Variants in SARS1 observed in about 807,000 individuals in gnomAD.
SARS1 encodes serine--tRNA ligase, cytoplasmic.
Under a neutral mutation model 63.7 loss-of-function variants are expected in SARS1, and 25 were observed. The ratio of observed to expected loss-of-function variants is 0.39; its 90% CI spans 0.29 to 0.55. The LOEUF (loss-of-function observed/expected upper bound fraction) is 0.55, where lower values mean the gene tolerates loss of function less well. Ranked by LOEUF, SARS1 falls within the 20% of genes least tolerant of loss-of-function variation. The pLI, the probability that SARS1 is intolerant of heterozygous loss-of-function variation, is 0.62. For missense variants in SARS1, 417 were observed against 649.7 expected, an observed-to-expected ratio of 0.64 and a Z score of 3.89; for synonymous variants, 231 against 243.5, an observed-to-expected ratio of 0.95 and a Z score of 0.48.
chr1:109,223,093 C>A (rs1232781447), intron 1 of SARS1, among the ~76,000 whole-genome samples: 1 of 152,188 alleles, frequency 6.6e-6, no homozygotes, highest in Non-Finnish European at 1.5e-5. Flanking sequence ...TTTTGCTAAT[C>A]AGAGTTAGAC....
At chr1:109,234,892 G>T (rs549876719) in intron 6 of SARS1, among the ~76,000 whole-genome samples, 1 of 152,324 alleles carries the variant, frequency 6.6e-6, no homozygotes, top group Non-Finnish European at 1.5e-5. Context: ...CTTGAACCTG[G>T]GAGGTGGAGG....
At chr1:109,233,900 C>T (rs953015872) in intron 6 of SARS1, among the ~76,000 whole-genome samples, 2 of 110,276 alleles carry the variant, frequency 1.8e-5, no homozygotes, top group Non-Finnish European at 3.5e-5. Flanking sequence ...GACGGTATCT[C>T]ACTCTTTCAC....
chr1:109,221,993 TATATATATATATATATA>T lies in SARS1; in HGVS notation c.137-1984_137-1968del, dbSNP rs1282615350. ...GTGTATATATATATATATATATATA[TATATATATATATATATA>T]TTTTTTTTTTTTTTTTTTTTTTTTT... On this transcript the variant is annotated intron_variant, in intron 1 of 10. Coordinates refer to ENST00000234677, the MANE Select transcript of SARS1 (RefSeq NM_006513.4). Among the ~76,000 whole-genome samples the T allele has an allele frequency of 2.9e-3, 43 of 14,842 alleles. 11 individuals carry two copies. The highest frequency in any genetic ancestry group is 4.6e-3 in the Non-Finnish European group (33 of 7,186). 9.7% of individuals were successfully genotyped at this position (14,842 alleles called of 152,430 possible).
chr1:109,213,961 C>T lies in SARS1; in HGVS notation c.-32C>T, dbSNP rs1169134989. ...GCTGAGTGCTGCGGCGCGATCCTTGCTTCCCTGAGCGTTGGCCCGGGAGGA... is the reference window on the plus strand; with the variant it reads ...GCTGAGTGCTGCGGCGCGATCCTTGTTTCCCTGAGCGTTGGCCCGGGAGGA... On this transcript the variant is annotated 5_prime_UTR_variant, in exon 1 of 11. Coordinates refer to ENST00000234677, the MANE Select transcript of SARS1 (RefSeq NM_006513.4). The T allele has an allele frequency of 6.3e-7, 1 of 1,591,468 alleles. No individual in the cohort carries two copies. Among genetic ancestry groups the T allele is most frequent in the Admixed American group, 1.7e-5 (1 of 57,772 alleles).
In SARS1 at chr1:109,235,874, C is replaced by T. The variant is rs1655296752; in HGVS notation, c.970-103C>T. The T allele has an allele frequency of 8.4e-7, 1 of 1,188,756 alleles. No homozygotes were observed. Among genetic ancestry groups the T allele is most frequent in the Admixed American group, 2.4e-5 (1 of 41,816 alleles). The allele number at this position is 1,188,756 out of a possible 1,614,324, so 73.6% of individuals were successfully genotyped here. A position where few individuals can be genotyped will look rare whatever the true frequency, so the allele number is the denominator to read the frequency against. On this transcript the variant is annotated intron_variant, in intron 7 of 10. Coordinates refer to ENST00000234677, the MANE Select transcript of SARS1 (RefSeq NM_006513.4). This position sits in a 1 kb window ranked among gnomAD's most constrained non-coding sequence, Gnocchi z 4.7. ...GCTGGGGGCCCAGACTTGCCTGCCTCCCAGTGGTGTGGAAACAGGTCTTCA... is the reference window on the plus strand; with the variant it reads ...GCTGGGGGCCCAGACTTGCCTGCCTTCCAGTGGTGTGGAAACAGGTCTTCA...
chr1:109,216,459 A>T, intron 1 of SARS1: 3 of 985,310 alleles, frequency 3.0e-6, no homozygotes, highest in Non-Finnish European at 3.6e-6. Flanking sequence ...AATTCAGAGT[A>T]GCGTAATGAT....
intron 1 of SARS1, chr1:109,216,003 C>T (rs1654775926): frequency 2.0e-6 from 2 of 984,198 alleles, no homozygotes; most frequent in African/African-American, 3.5e-5. Flanking sequence ...CATGCCTGGC[C>T]AATAGTTTAT....
In SARS1 at chr1:109,225,045, C is replaced by T. The variant is rs554755337; in HGVS notation, c.207+997C>T. Among the ~76,000 whole-genome samples, 3 of 152,282 alleles carry T rather than the reference C, an allele frequency of 2.0e-5. No homozygotes were observed. In the South Asian group the frequency reaches 6.2e-4, roughly 32 times the overall value. ...ACTTGAGGCCAGGAGTCAAAAGTTG[C>T]AGTGAGCCAAGATTGCGCTACTGAG... On this transcript the variant is annotated intron_variant, in intron 2 of 10. Coordinates refer to ENST00000234677, the MANE Select transcript of SARS1 (RefSeq NM_006513.4).
At chr1:109,220,751 G>T (rs972361548) in intron 1 of SARS1, among the ~76,000 whole-genome samples, 3 of 151,790 alleles carry the variant, frequency 2.0e-5, no homozygotes, top group Non-Finnish European at 1.5e-5. Flanking sequence ...TTTGTCTATT[G>T]TGTTTCCAAA....
Position 109,237,905 on chromosome 1 carries a change from A to G in SARS1, c.*17A>G, listed in dbSNP as rs372667547. The G allele has an allele frequency of 6.2e-7, 1 of 1,612,994 alleles. No individual in the cohort carries two copies. Among genetic ancestry groups the G allele is most frequent in the Non-Finnish European group, 8.5e-7 (1 of 1,179,258 alleles). ...GATGCTTGAACATTCCTGCCTCCCTATTTGCCAGGCTTTCATTTCTGTCTG... is the reference window on the plus strand; with the variant it reads ...GATGCTTGAACATTCCTGCCTCCCTGTTTGCCAGGCTTTCATTTCTGTCTG... On this transcript the variant is annotated 3_prime_UTR_variant, in exon 11 of 11. Transcript: ENST00000234677. The surrounding 1 kb of genome is among the most constrained non-coding windows in gnomAD (Gnocchi z 4.1).
chr1:109,227,063 T>C (rs961786455), intron 2 of SARS1, among the ~76,000 whole-genome samples: 6 of 150,122 alleles, frequency 4.0e-5, no homozygotes, highest in Admixed American at 1.3e-4. Context: ...TGGTGTGATC[T>C]CAGCTCACTG....
In SARS1 at chr1:109,231,611, C is replaced by A; in HGVS notation, c.592-20C>A. 6.8e-7 allele frequency: 1 copy of A among 1,469,770 alleles called. No individual in the cohort carries two copies. Among genetic ancestry groups the A allele is most frequent in the Admixed American group, 2.5e-5 (1 of 40,492 alleles). The allele number at this position is 1,469,770 out of a possible 1,614,324, so 91.0% of individuals were successfully genotyped here. A position where few individuals can be genotyped will look rare whatever the true frequency, so the allele number is the denominator to read the frequency against. ...GGTGACAAGACCCAATCACATAGTA[C>A]TGTGTCTCTGCTCCTCTAGGGGGTC... On this transcript the variant is annotated intron_variant, in intron 5 of 10. Transcript: ENST00000234677.
chr1:109,232,137 A>G (rs1655224168), intron 6 of SARS1, among the ~76,000 whole-genome samples: 1 of 152,180 alleles, frequency 6.6e-6, no homozygotes. Flanking sequence ...AAAGGAAATT[A>G]CAGTGGTGGC....
Position 109,237,592 on chromosome 1 carries a change from A to T in SARS1, c.1388-139A>T. 8.7e-7 allele frequency: 1 copy of T among 1,144,744 alleles called. No homozygotes were observed. The highest frequency in any genetic ancestry group is 1.2e-6 in the Non-Finnish European group (1 of 804,250). 70.9% of individuals were successfully genotyped at this position (1,144,744 alleles called of 1,614,324 possible). A position where few individuals can be genotyped will look rare whatever the true frequency, so the allele number is the denominator to read the frequency against. ...TGCTAAAATTCAGACTAGGGAAGAA[A>T]AGAATAAAGGAAACCAGTGCCTATC... On this transcript the variant is annotated intron_variant, in intron 10 of 10. Transcript: ENST00000234677. This position sits in a 1 kb window ranked among gnomAD's most constrained non-coding sequence, Gnocchi z 4.1.
intron 1 of SARS1, among the ~76,000 whole-genome samples, chr1:109,221,960 T>TTTTTTG (rs771565091): frequency 1.4e-3 from 14 of 10,076 alleles, no homozygotes; most frequent in South Asian, 5.5e-3. Context: ...GCTAATTTTT[T>TTTTTTG]TGTGTGTGTG....
At chr1:109,226,681 T>TATATATATATATACAC (rs1323291405) in intron 2 of SARS1, among the ~76,000 whole-genome samples, 291 of 36,104 alleles carry the variant, frequency 8.1e-3, no homozygotes, top group Non-Finnish European at 0.016. Flanking sequence ...AAAAAAAATA[T>TATATATATATATACAC]ATATATATAT....
chr1:109,229,151 A>G (rs1276543442), intron 3 of SARS1, among the ~76,000 whole-genome samples: 2 of 152,232 alleles, frequency 1.3e-5, no homozygotes, highest in Non-Finnish European at 2.9e-5. Flanking sequence ...TCTGCAATGT[A>G]TGGGAACAAT....
chr1:109,236,631 G>A, intron 9 of SARS1, 83 bp downstream of exon 9: 1 of 1,534,824 alleles, frequency 6.5e-7, no homozygotes, highest in Non-Finnish European at 8.8e-7. Context: ...GGGGTGCACT[G>A]GTCCCCAGCA....
In SARS1 at chr1:109,237,833, C is replaced by G. The variant is rs1655347142; in HGVS notation, c.1490C>G (p.Ala497Gly). The G allele has an allele frequency of 6.2e-7, 1 of 1,614,092 alleles. No homozygotes were observed. The highest frequency in any genetic ancestry group is 1.3e-5 in the African/African-American group (1 of 74,928). The part of the protein sequence containing the change: ...QHEGSKKKAA[A>G]RDVTLENRLQ... ...GAGGGCAGCAAAAAGAAAGCAGCAGCAAGAGACGTCACCCTAGAAAACAGG... is the reference window on the plus strand; with the variant it reads ...GAGGGCAGCAAAAAGAAAGCAGCAGGAAGAGACGTCACCCTAGAAAACAGG... Residue 497 changes from alanine to glycine, a missense_variant, in exon 11 of 11, where the codon GCA becomes GGA. Around this residue, in one of 3 missense-constraint regions of SARS1, gnomAD observed 43 missense variants for 68.1 expected, o/e 0.63. Transcript: ENST00000234677. The surrounding 1 kb of genome is among the most constrained non-coding windows in gnomAD (Gnocchi z 4.1).
Sources: gnomAD v4.1 joint callset for allele counts (sites outside exome capture counted in the v4.1 genomes callset) on GRCh38, gnomAD v4.1.1 for gene constraint, gnomAD v4.1.1 regional missense constraint, Gnocchi (gnomAD v3.1) non-coding constraint, MANE v1.5 for transcripts, NCBI Gene and HGNC (gene_info 2026-07-23, HGNC 2026-07-21) for gene names.